SGCZ: variants seen among roughly 807,000 people sequenced by gnomAD.
The protein encoded by SGCZ is zeta-sarcoglycan.
SGCZ carries 40 observed loss-of-function variants against 41.3 expected under a neutral mutation model. The observed-to-expected ratio is 0.97, with a 90% CI of 0.75 to 1.26. The LOEUF is 1.26. SGCZ is among the 50% of genes most tolerant of loss of function. SGCZ has a pLI of 0.00. For missense variants in SGCZ, 552 were observed against 369.8 expected, an observed-to-expected ratio of 1.49 and a Z score of -4.04; for synonymous variants, 206 against 137.5, an observed-to-expected ratio of 1.50 and a Z score of -3.49.
chr8:15,235,360 G>A (rs532569631), intron 1 of SGCZ, among the ~76,000 whole-genome samples: 1 of 152,308 alleles, frequency 6.6e-6, no homozygotes, highest in African/African-American at 2.4e-5. Flanking sequence ...AATAAGGCTT[G>A]ACTACATCTC....
chr8:14,189,362 T>C (rs1805017089), intron 4 of SGCZ, among the ~76,000 whole-genome samples: 1 of 152,206 alleles, frequency 6.6e-6, no homozygotes, highest in African/African-American at 2.4e-5. Context: ...GCTCCTTATA[T>C]TACTCAGAAC....
rs146054682 is a variant in SGCZ, at chr8:14,840,875, A to G, written c.40-285949T>C. On this transcript the variant is annotated intron_variant, in intron 1 of 7. Coordinates refer to ENST00000382080, the MANE Select transcript of SGCZ (RefSeq NM_139167.4). ...TGTATAACTTTTGTGTTTTATTTAC[A>G]TAGCAAAATAGCAACTCCCATAATA... is the stretch of plus-strand genomic sequence containing the variant. Among the ~76,000 whole-genome samples, 517 of 152,228 alleles carry G rather than the reference A, an allele frequency of 3.4e-3. 4 individuals are homozygous for G. Among genetic ancestry groups the G allele is most frequent in the African/African-American group, 0.011 (477 of 41,564 alleles).
intron 2 of SGCZ, among the ~76,000 whole-genome samples, chr8:14,374,449 G>C (rs1322518224): frequency 6.6e-6 from 1 of 152,130 alleles, no homozygotes; most frequent in Non-Finnish European, 1.5e-5. Flanking sequence ...GTAAGAATTT[G>C]ATGTAATTCT....
chr8:14,966,472 C>G (rs753693745), intron 1 of SGCZ, among the ~76,000 whole-genome samples: 2 of 151,772 alleles, frequency 1.3e-5, no homozygotes, highest in Non-Finnish European at 2.9e-5. Context: ...TAAAAGATTA[C>G]AGAGGATTTT....
intron 2 of SGCZ, among the ~76,000 whole-genome samples, chr8:14,427,022 G>A (rs894652755): frequency 2.0e-5 from 3 of 148,498 alleles, no homozygotes; most frequent in Admixed American, 6.7e-5. Flanking sequence ...TTGCAGCCCA[G>A]TAACATTAAA....
chr8:14,199,594 A>T (rs1442356112), intron 4 of SGCZ, among the ~76,000 whole-genome samples: 1 of 152,038 alleles, frequency 6.6e-6, no homozygotes, highest in Non-Finnish European at 1.5e-5. Context: ...CTCGGGGGGC[A>T]TCACGGAACC....
chr8:14,284,795 G>A (rs952086346), intron 3 of SGCZ, among the ~76,000 whole-genome samples: 1 of 151,878 alleles, frequency 6.6e-6, no homozygotes, highest in Non-Finnish European at 1.5e-5. Context: ...AAATTGTTGT[G>A]TACATCTTTA....
intron 1 of SGCZ, among the ~76,000 whole-genome samples, chr8:14,970,602 C>T (rs923712970): frequency 1.3e-5 from 2 of 152,070 alleles, no homozygotes; most frequent in African/African-American, 2.4e-5. Flanking sequence ...TGCTGAAAAT[C>T]GGTTGTTCAC....
At chr8:14,429,639 G>A (rs1042331224) in intron 2 of SGCZ, among the ~76,000 whole-genome samples, 1 of 152,174 alleles carries the variant, frequency 6.6e-6, no homozygotes, top group African/African-American at 2.4e-5. Context: ...TTTAAGATGA[G>A]ATCATAATGG....
intron 2 of SGCZ, among the ~76,000 whole-genome samples, chr8:14,373,620 G>C (rs1436133187): frequency 6.6e-6 from 1 of 152,110 alleles, no homozygotes; most frequent in African/African-American, 2.4e-5. Context: ...CAATTTTGAA[G>C]GAAAGAATGA....
intron 5 of SGCZ, among the ~76,000 whole-genome samples, chr8:14,113,958 A>G (rs1301262643): frequency 6.6e-6 from 1 of 152,004 alleles, no homozygotes; most frequent in Non-Finnish European, 1.5e-5. Context: ...CTGAATCTAA[A>G]TTATAGTATC....
chr8:14,150,331 T>C (rs1000039622), intron 5 of SGCZ, among the ~76,000 whole-genome samples: 10 of 151,972 alleles, frequency 6.6e-5, no homozygotes, highest in African/African-American at 2.4e-4. Context: ...AACAACTCTA[T>C]AGGAAAATGT....
chr8:14,517,837 G>A (rs1000153779), intron 2 of SGCZ, among the ~76,000 whole-genome samples: 2 of 151,070 alleles, frequency 1.3e-5, no homozygotes, highest in Admixed American at 1.3e-4. Context: ...TGATTTAATT[G>A]AACACATTTT....
Position 14,276,113 on chromosome 8 carries a change from C to T in SGCZ, c.337-38434G>A, listed in dbSNP as rs557478248. ...GCAGGGGACACATATGTGAAATGAT[C>T]GCTCTAAACATTCTCTAAAATTCCT... On this transcript the variant is annotated intron_variant, in intron 3 of 7. Transcript: ENST00000382080. 8.9e-4 allele frequency among the ~76,000 whole-genome samples: 135 copies of T among 152,244 alleles called. 1 individual carries two copies. The highest frequency in any genetic ancestry group is 1.9e-3 in the Admixed American group (29 of 15,292).
intron 1 of SGCZ, among the ~76,000 whole-genome samples, chr8:14,674,017 C>T: frequency 6.6e-6 from 1 of 152,020 alleles, no homozygotes; most frequent in East Asian, 1.9e-4. Context: ...AAGTGATCCA[C>T]AAGATAAATA....
chr8:14,239,900 T>A (rs13254331), intron 3 of SGCZ, among the ~76,000 whole-genome samples: 2,845 of 8,984 alleles, frequency 0.32, 679 homozygotes, highest in Middle Eastern at 0.75. Context: ...AGACTCCGTC[T>A]CAAAAAAAAA....
intron 2 of SGCZ, among the ~76,000 whole-genome samples, chr8:14,408,505 C>G (rs987396157): frequency 6.6e-6 from 1 of 152,136 alleles, no homozygotes; most frequent in Non-Finnish European, 1.5e-5. Context: ...CCGTCTCTCC[C>G]CTGAACTGCA....
chr8:14,285,890 T>C (rs1487930605), intron 3 of SGCZ, among the ~76,000 whole-genome samples: 1 of 152,108 alleles, frequency 6.6e-6, no homozygotes, highest in Admixed American at 6.5e-5. Flanking sequence ...CTGACAATTT[T>C]ATGTAAAAAA....
intron 3 of SGCZ, among the ~76,000 whole-genome samples, chr8:14,295,684 T>C (rs991615245): frequency 9.9e-5 from 15 of 152,204 alleles, no homozygotes; most frequent in Middle Eastern, 3.4e-3. Context: ...TGAAAACTAA[T>C]GGGGTGAATT....
Sources: allele counts gnomAD v4.1 joint callset (sites outside exome capture counted in the v4.1 genomes callset), GRCh38; gene constraint gnomAD v4.1.1; transcripts MANE v1.5; gene names NCBI Gene and HGNC (gene_info 2026-07-23, HGNC 2026-07-21).